The following GABRB3 variants were observed in gnomAD, a reference collection of about 807,000 sequenced individuals.
The protein encoded by GABRB3 is gamma-aminobutyric acid type A receptor subunit beta3, also known as gamma-aminobutyric acid receptor subunit beta-3.
Under a neutral mutation model 52.1 loss-of-function variants are expected in GABRB3, and 14 were observed. The observed-to-expected ratio is 0.27, with a 90% CI of 0.18 to 0.42. The LOEUF (loss-of-function observed/expected upper bound fraction) is 0.42. Among genes scored for constraint, GABRB3 ranks in the 10% least tolerant of loss-of-function variants. GABRB3 has a pLI of 1.00. For missense variants in GABRB3, 307 were observed against 609.1 expected, an observed-to-expected ratio of 0.50 and a Z score of 5.22; for synonymous variants, 260 against 232.3, an observed-to-expected ratio of 1.12 and a Z score of -1.08.
chr15:26,706,724 A>G (rs1046607843), intron 3 of GABRB3, among the ~76,000 whole-genome samples: 3 of 152,354 alleles, frequency 2.0e-5, no homozygotes, highest in Non-Finnish European at 4.4e-5. Context: ...AAGGGTTTTC[A>G]GGGAGGAAGG....
chr15:26,583,426 AG>A lies in GABRB3; in HGVS notation c.462-13del. 9 of 1,605,926 alleles carry A rather than the reference AG, an allele frequency of 5.6e-6. No homozygotes were observed. The highest frequency in any genetic ancestry group is 6.8e-6 in the Non-Finnish European group (8 of 1,172,614). ...CTGTCGTGGTGATTCTGAAATACAC[AG>A]GGTGAGGGAAGATATTAAAGAAGGG... On this transcript the variant is annotated splice_polypyrimidine_tract_variant and intron_variant, in intron 4 of 8. Coordinates refer to ENST00000311550, the MANE Select transcript of GABRB3 (RefSeq NM_000814.6).
At chr15:26,663,678 A>G (rs1252074127) in intron 3 of GABRB3, among the ~76,000 whole-genome samples, 1 of 152,166 alleles carries the variant, frequency 6.6e-6, no homozygotes, top group African/African-American at 2.4e-5. Flanking sequence ...CTGTCTTTAA[A>G]TTGCTATGTT....
At chr15:26,742,246 T>C (rs1329257837) in intron 3 of GABRB3, among the ~76,000 whole-genome samples, 1 of 152,182 alleles carries the variant, frequency 6.6e-6, no homozygotes, top group African/African-American at 2.4e-5. Flanking sequence ...GGACTGGCTC[T>C]CTGATGTCTT....
intron 3 of GABRB3, chr15:26,628,925 A>C: frequency 1.3e-6 from 2 of 1,501,784 alleles, no homozygotes; most frequent in Non-Finnish European, 1.8e-6. Context: ...GTCAGGTGCA[A>C]GAGCGCCTCC....
At chr15:26,553,703 C>A (rs929711782) in intron 8 of GABRB3, among the ~76,000 whole-genome samples, 5 of 151,950 alleles carry the variant, frequency 3.3e-5, no homozygotes, top group Admixed American at 1.3e-4. Flanking sequence ...CGAGACCATT[C>A]ATTAAAACAT....
At chr15:26,770,370 G>T (rs1891112908) in intron 3 of GABRB3, among the ~76,000 whole-genome samples, 1 of 152,142 alleles carries the variant, frequency 6.6e-6, no homozygotes, top group South Asian at 2.1e-4. Flanking sequence ...ATACCTGTTG[G>T]CTATGGAATA....
chr15:26,625,325 C>A (rs368887543), intron 3 of GABRB3: 26 of 305,584 alleles, frequency 8.5e-5, no homozygotes, highest in Non-Finnish European at 1.2e-4. Flanking sequence ...CTTCCACACC[C>A]AACCCATCGC....
intron 3 of GABRB3, among the ~76,000 whole-genome samples, chr15:26,645,982 A>T (rs1194730302): frequency 1.3e-5 from 2 of 148,534 alleles, no homozygotes; most frequent in Admixed American, 6.7e-5. Context: ...AAAAAAAAAC[A>T]ATATATGAAA....
Position 26,677,066 on chromosome 15 carries a change from A to T in GABRB3, c.241-55532T>A, listed in dbSNP as rs554498854. 1.2e-4 allele frequency among the ~76,000 whole-genome samples: 18 copies of T among 152,318 alleles called. No homozygotes were observed. The South Asian group carries it at 3.7e-3, about 32-fold the overall frequency. On this transcript the variant is annotated intron_variant, in intron 3 of 8. Coordinates refer to ENST00000311550, the MANE Select transcript of GABRB3 (RefSeq NM_000814.6). ...TGATTGAAATGGTAGCACATGGAAT[A>T]ACATCGATAAGTTGGATCCCAGTTG...
In GABRB3 at chr15:26,575,380, T is replaced by C. The variant is rs188974911; in HGVS notation, c.682+4939A>G. Reference sequence around the variant, plus strand: ...CCGGCTAGGAAGCACAGGTGAATTGTCTCTAGGGATCCCAGTAACAAAAGT... The same window carrying C: ...CCGGCTAGGAAGCACAGGTGAATTGCCTCTAGGGATCCCAGTAACAAAAGT... On this transcript the variant is annotated intron_variant, in intron 6 of 8. Coordinates refer to ENST00000311550, the MANE Select transcript of GABRB3 (RefSeq NM_000814.6). Among the ~76,000 whole-genome samples the C allele has an allele frequency of 2.0e-4, 30 of 152,268 alleles. No individual in the cohort carries two copies. The East Asian group carries it at 5.2e-3, about 26-fold the overall frequency.
intron 3 of GABRB3, among the ~76,000 whole-genome samples, chr15:26,713,581 T>C (rs538613332): frequency 2.6e-5 from 4 of 151,786 alleles, no homozygotes; most frequent in Non-Finnish European, 5.9e-5. Flanking sequence ...GAGATATGCA[T>C]CAAAAAGATT....
intron 4 of GABRB3, among the ~76,000 whole-genome samples, chr15:26,601,059 T>C (rs1461841040): frequency 1.3e-5 from 2 of 152,126 alleles, no homozygotes; most frequent in East Asian, 3.9e-4. Context: ...ATGCTGTAAG[T>C]ATAAGATGTT....
intron 3 of GABRB3, among the ~76,000 whole-genome samples, chr15:26,758,617 C>CA (rs1468273956): frequency 2.0e-5 from 3 of 152,122 alleles, no homozygotes; most frequent in Non-Finnish European, 4.4e-5. Flanking sequence ...TTAATCTCAA[C>CA]AAACCAACCA....
At chr15:26,681,962 A>C (rs1239352946) in intron 3 of GABRB3, among the ~76,000 whole-genome samples, 1 of 152,140 alleles carries the variant, frequency 6.6e-6, no homozygotes, top group Non-Finnish European at 1.5e-5. Context: ...TGTCTCAAAA[A>C]AAAATTATTA....
At chr15:26,683,844 A>C (rs1433177150) in intron 3 of GABRB3, among the ~76,000 whole-genome samples, 3 of 152,126 alleles carry the variant, frequency 2.0e-5, no homozygotes, top group Admixed American at 1.3e-4. Flanking sequence ...GGCATGAAGA[A>C]TGTCTCCAAT....
intron 8 of GABRB3, among the ~76,000 whole-genome samples, chr15:26,557,035 C>A (rs1036133): frequency 0.024 from 3,717 of 152,174 alleles, 130 homozygotes; most frequent in African/African-American, 0.081. Flanking sequence ...ATCTAAATGC[C>A]CATGAACAGT....
At chr15:26,575,305 G>A (rs539624095) in intron 6 of GABRB3, among the ~76,000 whole-genome samples, 17 of 152,336 alleles carry the variant, frequency 1.1e-4, no homozygotes, top group Non-Finnish European at 2.4e-4. Context: ...GGCCCTGGGA[G>A]TGAGCACGCT....
At chr15:26,737,299 G>A (rs1890090880) in intron 3 of GABRB3, among the ~76,000 whole-genome samples, 2 of 152,156 alleles carry the variant, frequency 1.3e-5, no homozygotes, top group South Asian at 4.1e-4. Flanking sequence ...GAAAACAAGA[G>A]GACTGCACAG....
At chr15:26,735,304 G>C (rs1171111198) in intron 3 of GABRB3, among the ~76,000 whole-genome samples, 1 of 152,152 alleles carries the variant, frequency 6.6e-6, no homozygotes, top group Non-Finnish European at 1.5e-5. Flanking sequence ...ATGTAAAATG[G>C]TATAGCCAAT....
Sources: gnomAD v4.1 joint callset for allele counts (sites outside exome capture counted in the v4.1 genomes callset) on GRCh38, gnomAD v4.1.1 for gene constraint, MANE v1.5 for transcripts, NCBI Gene and HGNC (gene_info 2026-07-23, HGNC 2026-07-21) for gene names.